The following HMG20A variants were observed in gnomAD, a reference collection of about 807,000 sequenced individuals.
HMG20A encodes the protein high mobility group 20A.
A neutral mutation model predicts 43.9 loss-of-function variants in HMG20A; 17 were observed. The ratio of observed to expected loss-of-function variants is 0.39; its 90% CI spans 0.27 to 0.58. The LOEUF (loss-of-function observed/expected upper bound fraction) is 0.58, where lower values mean the gene tolerates loss of function less well. Ranked by LOEUF, HMG20A falls within the 20% of genes least tolerant of loss-of-function variation. The pLI is 0.59. For missense variants in HMG20A, 341 were observed against 438.2 expected (o/e 0.78, Z 1.98); for synonymous variants, 132 against 147.5 (o/e 0.89, Z 0.76).
the HMG20A span, among the ~76,000 whole-genome samples, chr15:77,494,751 A>G: frequency 1.3e-5 from 2 of 152,250 alleles, no homozygotes; most frequent in Non-Finnish European, 2.9e-5. Context: ...TTACAGCAAC[A>G]AAACATGCTA....
At chr15:77,467,363 CTT>C (rs2072766371) in intron 4 of HMG20A, 56 bp downstream of exon 4, 1 of 1,436,896 alleles carries the variant, frequency 7.0e-7, no homozygotes, top group African/African-American at 1.4e-5. Flanking sequence ...TCAGAAATAA[CTT>C]ATATAAGAAA....
chr15:77,501,955 C>A, the HMG20A span, among the ~76,000 whole-genome samples: 12,157 of 152,136 alleles, frequency 0.08, 592 homozygotes, highest in Non-Finnish European at 0.1. Context: ...CCCCAGCATC[C>A]CTTTCCAGGC....
chr15:77,516,998 T>C, the HMG20A span, among the ~76,000 whole-genome samples: 1 of 152,186 alleles, frequency 6.6e-6, no homozygotes, highest in Non-Finnish European at 1.5e-5. Flanking sequence ...GTCCCGCACA[T>C]GTCAGTCCCT....
chr15:77,485,868 G>T (rs2142372150), downstream of HMG20A, among the ~76,000 whole-genome samples: 1 of 152,328 alleles, frequency 6.6e-6, no homozygotes, highest in African/African-American at 2.4e-5. Context: ...GGAGGTGGAG[G>T]TTGCAGTGAG....
At chr15:77,463,939 C>T (rs1358168814) in intron 2 of HMG20A, among the ~76,000 whole-genome samples, 1 of 152,194 alleles carries the variant, frequency 6.6e-6, no homozygotes, top group Non-Finnish European at 1.5e-5. Context: ...TCAGATTCTA[C>T]TGCATATTCA....
At chr15:77,450,688 A>G (rs2073727274) in intron 1 of HMG20A, among the ~76,000 whole-genome samples, 1 of 152,266 alleles carries the variant, frequency 6.6e-6, no homozygotes. Context: ...TAGCATCACC[A>G]GTGCACCTGT....
chr15:77,508,023 G>A, the HMG20A span, among the ~76,000 whole-genome samples: 3 of 152,108 alleles, frequency 2.0e-5, no homozygotes, highest in East Asian at 5.8e-4. Context: ...CAAGTAGCCC[G>A]CTGCACCCAA....
intron 7 of HMG20A, chr15:77,478,091 C>T (rs1426913004): frequency 1.5e-5 from 9 of 591,592 alleles, no homozygotes; most frequent in Non-Finnish European, 2.4e-5. Context: ...TGGAATGTGA[C>T]TAGCTTTAAG....
intron 1 of HMG20A, among the ~76,000 whole-genome samples, chr15:77,441,945 G>A (rs1461533471): frequency 5.3e-5 from 8 of 152,018 alleles, no homozygotes; most frequent in East Asian, 1.9e-4. Context: ...TTTCTTTTTC[G>A]TGTAAGGCAA....
At chr15:77,506,739 A>C in the HMG20A span, among the ~76,000 whole-genome samples, 1 of 152,234 alleles carries the variant, frequency 6.6e-6, no homozygotes, top group African/African-American at 2.4e-5. Flanking sequence ...GTTCCAGCCA[A>C]AGGCAGAGGC....
chr15:77,451,216 A>G (rs1217988975), intron 1 of HMG20A, among the ~76,000 whole-genome samples: 3 of 152,262 alleles, frequency 2.0e-5, no homozygotes, highest in Non-Finnish European at 4.4e-5. Flanking sequence ...TAAAGCTACT[A>G]TAAACATCTG....
the HMG20A span, among the ~76,000 whole-genome samples, chr15:77,496,443 C>G: frequency 6.6e-6 from 1 of 152,178 alleles, no homozygotes; most frequent in Non-Finnish European, 1.5e-5. Context: ...CCTCCTCCAT[C>G]CAGTTTCTCC....
At chr15:77,487,088 C>T (rs937899646), downstream of HMG20A, among the ~76,000 whole-genome samples, 23 of 152,144 alleles carry the variant, frequency 1.5e-4, no homozygotes, top group African/African-American at 5.1e-4. Flanking sequence ...AAATTCCTGG[C>T]AGCATGAGGA....
At chr15:77,497,492 T>C in the HMG20A span, among the ~76,000 whole-genome samples, 1 of 152,216 alleles carries the variant, frequency 6.6e-6, no homozygotes, top group Non-Finnish European at 1.5e-5. Context: ...CTGGCATCTC[T>C]AAGGGGCCTC....
intron 1 of HMG20A, among the ~76,000 whole-genome samples, chr15:77,444,157 C>T (rs2073647228): frequency 6.6e-6 from 1 of 152,064 alleles, no homozygotes; most frequent in Non-Finnish European, 1.5e-5. Flanking sequence ...CTCACGGTAG[C>T]CCTTTGAGGT....
the HMG20A span, among the ~76,000 whole-genome samples, chr15:77,494,919 C>A: frequency 6.6e-6 from 1 of 152,188 alleles, no homozygotes; most frequent in Non-Finnish European, 1.5e-5. Flanking sequence ...TTCTAAAGAT[C>A]ATGCCTATTA....
intron 1 of HMG20A, among the ~76,000 whole-genome samples, chr15:77,450,325 C>T (rs1420139972): frequency 2.0e-5 from 3 of 152,032 alleles, no homozygotes; most frequent in African/African-American, 4.8e-5. Flanking sequence ...TTTGCATACA[C>T]ATAATGAGAT....
intron 1 of HMG20A, among the ~76,000 whole-genome samples, chr15:77,450,522 ATTGT>A (rs1470003879): frequency 6.6e-6 from 1 of 152,238 alleles, no homozygotes; most frequent in Non-Finnish European, 1.5e-5. Flanking sequence ...ACAGTCTGTG[ATTGT>A]TTGGCATCAC....
At chr15:77,475,948 CTT>C (rs942443069) in intron 6 of HMG20A, among the ~76,000 whole-genome samples, 4 of 152,128 alleles carry the variant, frequency 2.6e-5, no homozygotes, top group African/African-American at 7.2e-5. Context: ...TTCTGGGAAA[CTT>C]TGCTTTCTTT....
Sources: gnomAD v4.1 joint callset for allele counts (sites outside exome capture counted in the v4.1 genomes callset) on GRCh38, gnomAD v4.1.1 for gene constraint, MANE v1.5 for transcripts, NCBI Gene and HGNC (gene_info 2026-07-23, HGNC 2026-07-21) for gene names.